CXXC5: variants seen among roughly 807,000 people sequenced by gnomAD.
CXXC5 encodes the protein CXXC finger protein 5.
CXXC5 carries 2 observed loss-of-function variants against 17.6 expected under a neutral mutation model. That is an observed-to-expected ratio of 0.11 (90% CI 0.05 to 0.36). CXXC5 has a LOEUF of 0.36. CXXC5 is among the 10% of genes least tolerant of loss of function. The probability of loss-of-function intolerance (pLI) is 1.00; values close to 1 mark genes in which losing one functional copy is unlikely to be tolerated. For missense variants in CXXC5, 343 were observed against 458.3 expected, an observed-to-expected ratio of 0.75 and a Z score of 2.30; for synonymous variants, 171 against 193.0, an observed-to-expected ratio of 0.89 and a Z score of 0.94.
At chr5:139,679,799 C>T (rs904334141) in intron 1 of CXXC5, 1 of 152,354 alleles carries the variant, frequency 6.6e-6, no homozygotes, top group African/African-American at 2.4e-5. Flanking sequence ...GTAGCTAGGA[C>T]TACAGGCATG....
intron 1 of CXXC5, chr5:139,675,556 TGA>T (rs1462404797): frequency 6.6e-6 from 1 of 151,678 alleles, no homozygotes; most frequent in Non-Finnish European, 1.5e-5. Flanking sequence ...TCCTGGGGAG[TGA>T]GAGCAGCCTT....
At chr5:139,682,341 A>AGCCCCC (rs1285145396) in intron 2 of CXXC5, among the ~76,000 whole-genome samples, 1 of 18,546 alleles carries the variant, frequency 5.4e-5, no homozygotes, top group African/African-American at 3.1e-4. Flanking sequence ...CCCCAGCCCC[A>AGCCCCC]GCCCCAGCCC....
At chr5:139,671,449 G>A (rs1002211001) in intron 1 of CXXC5, among the ~76,000 whole-genome samples, 1 of 152,232 alleles carries the variant, frequency 6.6e-6, no homozygotes, top group African/African-American at 2.4e-5. Flanking sequence ...GCTAGATGGA[G>A]GCTTAGCAGT....
In CXXC5 at chr5:139,678,022, C is replaced by T. The variant is rs140153621; in HGVS notation, c.-160-2342C>T. Among the ~76,000 whole-genome samples the T allele has an allele frequency of 6.5e-3, 984 of 152,360 alleles. 10 individuals are homozygous for T. Among genetic ancestry groups the T allele is most frequent in the African/African-American group, 0.023 (938 of 41,584 alleles). On this transcript the variant is annotated intron_variant, in intron 1 of 2. Transcript: ENST00000302517. ...GCCAGCAGGCCGCAGAGGCGGGGGA[C>T]GCACACAGGGGCTGGGGCGCAGCCT...
chr5:139,671,336 G>A (rs939807435), intron 1 of CXXC5, among the ~76,000 whole-genome samples: 3 of 152,188 alleles, frequency 2.0e-5, no homozygotes, highest in South Asian at 2.1e-4. Flanking sequence ...GGAGGAATGG[G>A]GTGTGGGCAG....
intron 1 of CXXC5, among the ~76,000 whole-genome samples, chr5:139,677,442 C>G (rs1227281542): frequency 6.6e-6 from 1 of 152,244 alleles, no homozygotes; most frequent in African/African-American, 2.4e-5. Flanking sequence ...TCCACTGGGA[C>G]CAGGACATCA....
intron 1 of CXXC5, among the ~76,000 whole-genome samples, chr5:139,674,815 C>T (rs1417637209): frequency 3.3e-5 from 5 of 152,110 alleles, no homozygotes; most frequent in African/African-American, 1.2e-4. Context: ...CATAGGAAGA[C>T]CTCATCCCTA....
intron 1 of CXXC5, among the ~76,000 whole-genome samples, chr5:139,657,568 A>C (rs1054955057): frequency 2.6e-5 from 4 of 152,282 alleles, no homozygotes; most frequent in African/African-American, 9.6e-5. Flanking sequence ...GTGGAGACCT[A>C]CTGGCCCTGT....
intron 1 of CXXC5, among the ~76,000 whole-genome samples, chr5:139,650,532 C>T (rs1217863138): frequency 6.6e-6 from 1 of 152,232 alleles, no homozygotes; most frequent in Non-Finnish European, 1.5e-5. Context: ...TCCGCTGGGG[C>T]CGCCTGGCGG....
intron 2 of CXXC5, 169 bp downstream of exon 2, chr5:139,681,616 C>T: frequency 1.3e-6 from 1 of 750,052 alleles, no homozygotes; most frequent in East Asian, 2.9e-5. Flanking sequence ...TTTACTGCCC[C>T]AAAAGTCAGA....
rs1158428366 is a variant in CXXC5, at chr5:139,681,463, A to G, written c.924+16A>G. On this transcript the variant is annotated intron_variant, in intron 2 of 2. Transcript: ENST00000302517. ...TGCTCTGGAGGTAACGGCGCCTTAG[A>G]GGGAGGTGTGTGGGCTCTTGTGTCT... is the stretch of plus-strand genomic sequence containing the variant. 6.5e-7 allele frequency: 1 copy of G among 1,544,254 alleles called. No homozygotes were observed. Among genetic ancestry groups the G allele is most frequent in the African/African-American group, 1.4e-5 (1 of 72,950 alleles).
At chr5:139,676,319 C>T (rs868574639) in intron 1 of CXXC5, among the ~76,000 whole-genome samples, 2 of 39,928 alleles carry the variant, frequency 5.0e-5, no homozygotes, top group South Asian at 1.0e-3. Flanking sequence ...AAGCCCTCCT[C>T]CCCACCTCCT....
chr5:139,668,281 C>T lies in CXXC5; in HGVS notation c.-160-12083C>T, dbSNP rs1364214260. Among the ~76,000 whole-genome samples the T allele has an allele frequency of 6.6e-6, 1 of 152,212 alleles. No individual in the cohort carries two copies. Among genetic ancestry groups the T allele is most frequent in the Non-Finnish European group, 1.5e-5 (1 of 68,022 alleles). ...TGGAATGAGGGGAGGCCAGCCTTCT[C>T]GGTGCGGAATCTCCTTGGCCCAGGC... is the stretch of plus-strand genomic sequence containing the variant. On this transcript the variant is annotated intron_variant, in intron 1 of 2. Coordinates refer to ENST00000302517, the MANE Select transcript of CXXC5 (RefSeq NM_016463.9). The surrounding 1 kb of genome is among the most constrained non-coding windows in gnomAD (Gnocchi z 4.1).
chr5:139,674,394 G>A (rs1441858731), intron 1 of CXXC5, among the ~76,000 whole-genome samples: 1 of 152,202 alleles, frequency 6.6e-6, no homozygotes, highest in Non-Finnish European at 1.5e-5. Context: ...CCAAGGTGGG[G>A]GGGAGGAGAC....
chr5:139,655,581 C>T (rs994426606), intron 1 of CXXC5, among the ~76,000 whole-genome samples: 2 of 152,058 alleles, frequency 1.3e-5, no homozygotes, highest in Admixed American at 6.5e-5. Flanking sequence ...CCTTGTGACA[C>T]CCTTCATCTC....
At chr5:139,674,448 T>TGGC (rs1756664727) in intron 1 of CXXC5, among the ~76,000 whole-genome samples, 4 of 151,860 alleles carry the variant, frequency 2.6e-5, no homozygotes, top group African/African-American at 9.7e-5. Context: ...TGGAAAGTGG[T>TGGC]GCATTGAGCC....
rs145321086 is a variant in CXXC5 at position 139,666,007 on chromosome 5, C to T, written c.-160-14357C>T. ...CAAAAATAGACCAGTTCTTCCAAACCCCTTTTCTCAAGGAAAACCTCTAAA... is the reference window on the plus strand; with the variant it reads ...CAAAAATAGACCAGTTCTTCCAAACTCCTTTTCTCAAGGAAAACCTCTAAA... On this transcript the variant is annotated intron_variant, in intron 1 of 2. Coordinates refer to ENST00000302517, the MANE Select transcript of CXXC5 (RefSeq NM_016463.9). Among the ~76,000 whole-genome samples the T allele has an allele frequency of 9.3e-3, 1,421 of 152,336 alleles. 20 individuals carry two copies. Among genetic ancestry groups the T allele is most frequent in the African/African-American group, 0.032 (1,317 of 41,570 alleles).
chr5:139,679,898 A>C (rs1757080867), intron 1 of CXXC5: 1 of 153,044 alleles, frequency 6.5e-6, no homozygotes, highest in Non-Finnish European at 1.5e-5. Flanking sequence ...CCTGAGCTCA[A>C]GCGATCTGCC....
chr5:139,681,565 C>G lies in CXXC5; in HGVS notation c.924+118C>G. The G allele has an allele frequency of 2.5e-6, 3 of 1,178,750 alleles. No homozygotes were observed. The South Asian group carries it at 4.9e-5, about 19-fold the overall frequency. The allele number at this position is 1,178,750 out of a possible 1,614,324, so 73.0% of individuals were successfully genotyped here. On this transcript the variant is annotated intron_variant, in intron 2 of 2. Coordinates refer to ENST00000302517, the MANE Select transcript of CXXC5 (RefSeq NM_016463.9). ...GGCAAGTGTCTGGGGGATGCCCCCT[C>G]CCAGTCCTTGGGGCCTGGGGGTCTG...
Sources: allele counts gnomAD v4.1 joint callset (sites outside exome capture counted in the v4.1 genomes callset), GRCh38; gene constraint gnomAD v4.1.1; non-coding constraint Gnocchi (gnomAD v3.1); transcripts MANE v1.5; gene names NCBI Gene and HGNC (gene_info 2026-07-23, HGNC 2026-07-21).